Variants in ASH1L observed in about 807,000 individuals in gnomAD.
ASH1L encodes the protein histone-lysine N-methyltransferase ASH1L.
ASH1L carries 23 observed loss-of-function variants against 269.0 expected under a neutral mutation model. The observed-to-expected ratio is 0.09, with a 90% CI of 0.06 to 0.12. The LOEUF (loss-of-function observed/expected upper bound fraction) is 0.12, where lower values mean the gene tolerates loss of function less well. ASH1L is among the 10% of genes least tolerant of loss of function. The probability of loss-of-function intolerance (pLI) is 1.00; values close to 1 mark genes in which losing one functional copy is unlikely to be tolerated. For missense variants in ASH1L, 2,912 were observed against 3,567.8 expected, an observed-to-expected ratio of 0.82 and a Z score of 4.68; for synonymous variants, 1,187 against 1,253.5, an observed-to-expected ratio of 0.95 and a Z score of 1.12.
chr1:155,386,484 G>A (rs1236388739), intron 7 of ASH1L, among the ~76,000 whole-genome samples: 1 of 151,970 alleles, frequency 6.6e-6, no homozygotes, highest in Non-Finnish European at 1.5e-5. Context: ...GCCACCCGGA[G>A]TTCAAGCAAT....
chr1:155,420,823 C>G (rs957952901), intron 5 of ASH1L, among the ~76,000 whole-genome samples: 1 of 144,410 alleles, frequency 6.9e-6, no homozygotes, highest in Non-Finnish European at 1.5e-5. Flanking sequence ...GCACTTTAGC[C>G]TAGGTGACAG....
At chr1:155,510,411 CA>C (rs1161549080) in intron 2 of ASH1L, among the ~76,000 whole-genome samples, 8,110 of 40,954 alleles carry the variant, frequency 0.2, 154 homozygotes, top group African/African-American at 0.27. Context: ...AAGGCTGCCT[CA>C]AAAAAAAAAA....
chr1:155,422,653 GTT>G (rs111943951), intron 5 of ASH1L, among the ~76,000 whole-genome samples: 3 of 138,246 alleles, frequency 2.2e-5, no homozygotes, highest in Admixed American at 7.2e-5. Flanking sequence ...TTTTCTTTCT[GTT>G]TTTTTTTTTT....
chr1:155,484,131 T>A (rs1219317417), intron 2 of ASH1L, among the ~76,000 whole-genome samples: 1 of 152,200 alleles, frequency 6.6e-6, no homozygotes, highest in Non-Finnish European at 1.5e-5. Context: ...AGTTTGGAAG[T>A]GTTTTACATA....
intron 2 of ASH1L, among the ~76,000 whole-genome samples, chr1:155,510,834 T>C (rs1317133132): frequency 1.3e-5 from 2 of 152,098 alleles, no homozygotes; most frequent in East Asian, 1.9e-4. Flanking sequence ...TTAACTAAAA[T>C]AGGCTGATGG....
chr1:155,535,964 C>T (rs1211061983), intron 1 of ASH1L, among the ~76,000 whole-genome samples: 3 of 150,628 alleles, frequency 2.0e-5, no homozygotes, highest in African/African-American at 4.9e-5. Flanking sequence ...TGCCATTGCA[C>T]GCCAGCCTGG....
chr1:155,507,687 C>CGT (rs1558177049), intron 2 of ASH1L, among the ~76,000 whole-genome samples: 3 of 152,122 alleles, frequency 2.0e-5, no homozygotes, highest in Non-Finnish European at 4.4e-5. Context: ...GCCTGGGCAA[C>CGT]ACAACAAGAC....
chr1:155,371,780 G>A (rs1036131650), intron 10 of ASH1L, among the ~76,000 whole-genome samples: 4 of 147,504 alleles, frequency 2.7e-5, no homozygotes, highest in Non-Finnish European at 5.9e-5. Context: ...TGCAAACTCC[G>A]CTTCCCAGGT....
intron 7 of ASH1L, among the ~76,000 whole-genome samples, chr1:155,389,398 C>T (rs901323733): frequency 2.6e-5 from 4 of 151,958 alleles, no homozygotes; most frequent in Admixed American, 6.6e-5. Context: ...AGAGGCTAGG[C>T]GCGGTGGCTC....
chr1:155,346,512 T>C (rs755831686), intron 20 of ASH1L, 43 bp from the exon 21 acceptor site: 3 of 1,542,950 alleles, frequency 1.9e-6, no homozygotes, highest in African/African-American at 2.7e-5. Context: ...AGGCTATGAC[T>C]TATTGAGAGT....
intron 5 of ASH1L, among the ~76,000 whole-genome samples, chr1:155,430,813 T>C (rs1481457402): frequency 6.6e-6 from 1 of 152,136 alleles, no homozygotes; most frequent in African/African-American, 2.4e-5. Flanking sequence ...TTTTTAGAAA[T>C]AGGGTTTTGC....
At chr1:155,494,398 T>A (rs1167360762) in intron 2 of ASH1L, among the ~76,000 whole-genome samples, 1 of 152,210 alleles carries the variant, frequency 6.6e-6, no homozygotes, top group Non-Finnish European at 1.5e-5. Flanking sequence ...TGAAGAGGTA[T>A]ATGACTTGAC....
chr1:155,408,462 A>C (rs1275689708), intron 6 of ASH1L, among the ~76,000 whole-genome samples: 1 of 152,178 alleles, frequency 6.6e-6, no homozygotes. Flanking sequence ...ATCCTCACTA[A>C]AAGAAACCAA....
At chr1:155,547,238 T>C (rs1670893489) in intron 1 of ASH1L, among the ~76,000 whole-genome samples, 1 of 151,528 alleles carries the variant, frequency 6.6e-6, no homozygotes, top group African/African-American at 2.4e-5. Context: ...TTTCATCATA[T>C]TCTTAATGAG....
At chr1:155,496,133 A>G (rs971299063) in intron 2 of ASH1L, among the ~76,000 whole-genome samples, 6 of 152,256 alleles carry the variant, frequency 3.9e-5, no homozygotes, top group African/African-American at 7.2e-5. Flanking sequence ...ATACAGCTGT[A>G]CAAAATCTTT....
At chr1:155,548,380 G>A (rs1670973110) in intron 1 of ASH1L, among the ~76,000 whole-genome samples, 1 of 151,914 alleles carries the variant, frequency 6.6e-6, no homozygotes, top group African/African-American at 2.4e-5. Flanking sequence ...AAATTAGCCG[G>A]GCGTGTTTGG....
chr1:155,471,308 T>C (rs1175668009), intron 3 of ASH1L, among the ~76,000 whole-genome samples: 1 of 152,246 alleles, frequency 6.6e-6, no homozygotes, highest in East Asian at 1.9e-4. Flanking sequence ...AATGTCTCTG[T>C]TACGACAGTG....
At chr1:155,528,629 T>C (rs1279310692) in intron 1 of ASH1L, among the ~76,000 whole-genome samples, 1 of 152,156 alleles carries the variant, frequency 6.6e-6, no homozygotes, top group Non-Finnish European at 1.5e-5. Flanking sequence ...ATGCCTTCAG[T>C]TGAGTAGATG....
intron 4 of ASH1L, among the ~76,000 whole-genome samples, chr1:155,451,502 G>A (rs192505670): frequency 0.013 from 2,023 of 152,066 alleles, 28 homozygotes; most frequent in Non-Finnish European, 0.018. Flanking sequence ...GCTCACGCCC[G>A]TAATCACAGC....
Sources: gnomAD v4.1 joint callset for allele counts (sites outside exome capture counted in the v4.1 genomes callset) on GRCh38, gnomAD v4.1.1 for gene constraint, MANE v1.5 for transcripts, NCBI Gene and HGNC (gene_info 2026-07-23, HGNC 2026-07-21) for gene names.